Variants in ARHGEF10 observed in about 807,000 individuals in gnomAD.
ARHGEF10 encodes Rho guanine nucleotide exchange factor 10, also known as Rho guanine nucleotide exchange factor (GEF) 10.
In ARHGEF10, 140 loss-of-function variants were observed where a neutral mutation model predicts 147.4. That is an observed-to-expected ratio of 0.95 (90% CI 0.83 to 1.09). The LOEUF (loss-of-function observed/expected upper bound fraction) is 1.09, where lower values mean the gene tolerates loss of function less well. Ranked by LOEUF, ARHGEF10 falls within the 50% of genes least tolerant of loss-of-function variation. ARHGEF10 has a pLI of 0.00. For synonymous variants in ARHGEF10, 902 were observed against 695.8 expected (o/e 1.30, Z -4.67); for missense variants, 2,222 against 1,752.7 (o/e 1.27, Z -4.78).
At chr8:1,854,955 C>T (rs569715046) in intron 2 of ARHGEF10, among the ~76,000 whole-genome samples, 22 of 152,076 alleles carry the variant, frequency 1.4e-4, no homozygotes, top group Non-Finnish European at 2.1e-4. Flanking sequence ...ACCGGTCTCC[C>T]GGGGCTGGTG....
chr8:1,843,683 G>T (rs574994210), intron 2 of ARHGEF10, among the ~76,000 whole-genome samples: 1 of 152,302 alleles, frequency 6.6e-6, no homozygotes, highest in African/African-American at 2.4e-5. Flanking sequence ...GGGACCTATG[G>T]TCAGCATCTG....
At chr8:1,887,312 G>T (rs1289636901) in intron 11 of ARHGEF10, among the ~76,000 whole-genome samples, 1 of 152,278 alleles carries the variant, frequency 6.6e-6, no homozygotes, top group Non-Finnish European at 1.5e-5. Context: ...GACCAGAAGA[G>T]TCAGGAGACC....
At chr8:1,853,123 G>A (rs1236881084) in intron 2 of ARHGEF10, among the ~76,000 whole-genome samples, 6 of 152,154 alleles carry the variant, frequency 3.9e-5, no homozygotes, top group African/African-American at 9.7e-5. Flanking sequence ...CCTGTGGGTC[G>A]GCACGGGCTG....
chr8:1,851,112 ACACGCC>A (rs1805103288), intron 2 of ARHGEF10, among the ~76,000 whole-genome samples: 2 of 152,144 alleles, frequency 1.3e-5, no homozygotes, highest in African/African-American at 4.8e-5. Context: ...CCATGTCATT[ACACGCC>A]TGTCCAAACC....
intron 26 of ARHGEF10, among the ~76,000 whole-genome samples, chr8:1,936,139 A>G (rs972776176): frequency 3.3e-5 from 5 of 152,114 alleles, no homozygotes; most frequent in Middle Eastern, 6.3e-3. Context: ...GTTCTTGGCC[A>G]TCTCTTGACC....
At chr8:1,866,653 G>A (rs773331112) in intron 6 of ARHGEF10, 51 bp downstream of exon 6, 44 of 1,553,742 alleles carry the variant, frequency 2.8e-5, no homozygotes, top group Non-Finnish European at 3.4e-5. Context: ...CTCCACAGAC[G>A]TCACTGCGGC....
At position 1,937,593 on chromosome 8, in the gene ARHGEF10, G is replaced by A. The variant is rs971401670; in HGVS notation, c.3222+3651G>A. On this transcript the variant is annotated intron_variant, in intron 26 of 28. Transcript: ENST00000349830. This position sits in a 1 kb window ranked among gnomAD's most constrained non-coding sequence, Gnocchi z 4.9. ...TAACTAAATACATTTTTAGAAAGAA[G>A]CAAAAATCTGCTCTCTGAAAACATG... 7.2e-5 allele frequency among the ~76,000 whole-genome samples: 11 copies of A among 152,218 alleles called. No homozygotes were observed. Among genetic ancestry groups the A allele is most frequent in the African/African-American group, 2.4e-4 (10 of 41,462 alleles).
At chr8:1,913,270 C>T (rs1253276637) in intron 18 of ARHGEF10, among the ~76,000 whole-genome samples, 1 of 151,166 alleles carries the variant, frequency 6.6e-6, no homozygotes, top group Non-Finnish European at 1.5e-5. Flanking sequence ...AGAGCTGTTA[C>T]CGCCCATCCT....
Position 1,860,093 on chromosome 8 carries a change from C to T in ARHGEF10, c.390C>T (p.Pro130=), listed in dbSNP as rs1805973080. Residue 130 remains proline (P), a synonymous_variant, in exon 4 of 29, where the codon CCC becomes CCT. Transcript: ENST00000349830. ...HVPCGYLVPV[P]CGYAVPSNLP... is the part of the protein sequence containing the mutation. ...CCTGCGGGTACTTGGTGCCTGTACC[C>T]TGCGGCTATGCGGTGCCCTCCAACC... 1 of 1,614,130 alleles carries T rather than the reference C, an allele frequency of 6.2e-7. No individual in the cohort carries two copies. The highest frequency in any genetic ancestry group is 1.3e-5 in the African/African-American group (1 of 75,038).
intron 11 of ARHGEF10, 89 bp from the exon 12 acceptor site, chr8:1,893,480 C>G: frequency 1.1e-6 from 1 of 876,068 alleles, no homozygotes; most frequent in Non-Finnish European, 1.9e-6. Context: ...AGAAAAGTTA[C>G]TTATCAGCAA....
At chr8:1,838,874 G>A (rs36113300) in intron 1 of ARHGEF10, among the ~76,000 whole-genome samples, 57,410 of 150,884 alleles carry the variant, frequency 0.38, 11,005 homozygotes, top group Non-Finnish European at 0.39. Flanking sequence ...ACTGTCCAGC[G>A]TGGAAGGTGT....
chr8:1,882,206 A>G (rs1208891635), intron 9 of ARHGEF10, among the ~76,000 whole-genome samples: 1 of 152,206 alleles, frequency 6.6e-6, no homozygotes, highest in Non-Finnish European at 1.5e-5. Context: ...GGCCCTGTCA[A>G]CAGCTGGCCA....
At chr8:1,834,002 C>G (rs527600075) in intron 1 of ARHGEF10, among the ~76,000 whole-genome samples, 6 of 152,310 alleles carry the variant, frequency 3.9e-5, no homozygotes, top group African/African-American at 4.8e-5. Context: ...ACATGCAGCT[C>G]CAGCCCTCCC....
intron 18 of ARHGEF10, among the ~76,000 whole-genome samples, chr8:1,920,809 A>G (rs1447209348): frequency 1.3e-5 from 2 of 150,378 alleles, no homozygotes; most frequent in African/African-American, 2.5e-5. Flanking sequence ...GTTTTGATGG[A>G]GTTTAGCTCT....
At chr8:1,946,318 C>G (rs563010380) in intron 27 of ARHGEF10, among the ~76,000 whole-genome samples, 1 of 152,298 alleles carries the variant, frequency 6.6e-6, no homozygotes, top group Admixed American at 6.5e-5. Context: ...AAGGGGAAGG[C>G]ATGAAGTAAG....
At position 1,876,755 on chromosome 8, in the gene ARHGEF10, T is replaced by G. The variant is rs4875803; in HGVS notation, c.843+21T>G. 6,759 of 1,613,608 alleles carry G rather than the reference T, an allele frequency of 4.2e-3. 368 individuals carry two copies. In the East Asian group the frequency reaches 0.12, roughly 28 times the overall value. ...AGCAAGTACGTGTTCCCTGCACATG[T>G]GAGGGATGGTTCTCTCGCGTTAACA... On this transcript the variant is annotated intron_variant, in intron 8 of 28. Coordinates refer to ENST00000349830, the MANE Select transcript of ARHGEF10 (RefSeq NM_014629.4).
chr8:1,826,154 A>G (rs754142559), intron 1 of ARHGEF10: 2 of 1,585,662 alleles, frequency 1.3e-6, no homozygotes, highest in Admixed American at 3.4e-5. Flanking sequence ...AGTCATTTGT[A>G]TAAGGTGCTA....
In ARHGEF10 at chr8:1,905,665, G is replaced by A. The variant is rs756956560; in HGVS notation, c.1916G>A (p.Arg639His). 6 of 1,614,148 alleles carry A rather than the reference G, an allele frequency of 3.7e-6. 1 individual carries two copies. The Admixed American group carries it at 5.0e-5, about 13-fold the overall frequency. Residue 639 changes from arginine to histidine, a missense_variant, in exon 17 of 29, where the codon CGC (arginine) becomes CAC (histidine). Coordinates refer to ENST00000349830, the MANE Select transcript of ARHGEF10 (RefSeq NM_014629.4). ...GGAGAGATTGTTAAAACCAAAGAAC[G>A]CCGAGTCTTCATGTTAAATGATGTG... Reference protein sequence around the residue: ...DRGEIVKTKERRVFMLNDVLM... With the variant: ...DRGEIVKTKEHRVFMLNDVLM...
rs761014171 is a variant in ARHGEF10 at position 1,896,408 on chromosome 8, A to C, written c.1516A>C (p.Lys506Gln). The C allele has an allele frequency of 5.6e-6, 9 of 1,614,048 alleles. No homozygotes were observed. ...NFSTAVAVLKKTCATKPAFLE... is the reference protein window; with the variant it reads ...NFSTAVAVLKQTCATKPAFLE... ...CAGCACAGCCGTGGCAGTCCTCAAG[A>C]AAACATGTGCCACAAAGCCCGCTTT... The change falls in exon 14 of 29, where the codon AAA becomes CAA. Residue 506 changes from lysine to glutamine, a missense_variant. Physicochemically the swap from Lys to Gln is moderately conservative, Grantham distance 53. Transcript: ENST00000349830.
Sources: allele counts gnomAD v4.1 joint callset (sites outside exome capture counted in the v4.1 genomes callset), GRCh38; gene constraint gnomAD v4.1.1; non-coding constraint Gnocchi (gnomAD v3.1); transcripts MANE v1.5; gene names NCBI Gene and HGNC (gene_info 2026-07-23, HGNC 2026-07-21).